The following DAB1 variants were observed in gnomAD, a reference collection of about 807,000 sequenced individuals.
The protein encoded by DAB1 is DAB adaptor protein 1.
DAB1 carries 15 observed loss-of-function variants against 64.6 expected under a neutral mutation model. That is an observed-to-expected ratio of 0.23 (90% CI 0.16 to 0.36). The LOEUF (loss-of-function observed/expected upper bound fraction) is 0.36, where lower values mean the gene tolerates loss of function less well. Among genes scored for constraint, DAB1 ranks in the 10% least tolerant of loss-of-function variants. DAB1 has a pLI of 1.00. For synonymous variants in DAB1, 235 were observed against 251.9 expected, an observed-to-expected ratio of 0.93 and a Z score of 0.64; for missense variants, 596 against 706.7, an observed-to-expected ratio of 0.84 and a Z score of 1.78.
intron 4 of DAB1, among the ~76,000 whole-genome samples, chr1:58,156,535 A>G (rs983188141): frequency 7.9e-5 from 12 of 152,190 alleles, no homozygotes; most frequent in African/African-American, 2.7e-4. Context: ...AAGACAGAAG[A>G]GTTAATGCAC....
chr1:57,762,157 AAAGT>A (rs1295665238), intron 6 of DAB1, among the ~76,000 whole-genome samples: 2 of 152,226 alleles, frequency 1.3e-5, no homozygotes, highest in Non-Finnish European at 2.9e-5. Context: ...TGAATTTTAA[AAAGT>A]AATTTTCTCA....
At chr1:57,219,084 T>C (rs1312239501) in intron 2 of DAB1, among the ~76,000 whole-genome samples, 1 of 152,228 alleles carries the variant, frequency 6.6e-6, no homozygotes, top group Admixed American at 6.5e-5. Context: ...GTTTCTAAAG[T>C]AGATTGGGAG....
intron 5 of DAB1, among the ~76,000 whole-genome samples, chr1:58,089,355 G>A (rs1389960626): frequency 1.3e-5 from 2 of 152,224 alleles, no homozygotes; most frequent in Non-Finnish European, 2.9e-5. Context: ...TCTGCTATGC[G>A]CTTACGAGTA....
chr1:58,262,005 T>C (rs1389394609), intron 4 of DAB1, among the ~76,000 whole-genome samples: 12 of 152,336 alleles, frequency 7.9e-5, no homozygotes, highest in South Asian at 2.1e-4. Context: ...TGAAAGACGA[T>C]TGAGTCTATA....
At chr1:57,528,044 A>G (rs917514583) in intron 7 of DAB1, among the ~76,000 whole-genome samples, 1 of 152,118 alleles carries the variant, frequency 6.6e-6, no homozygotes, top group Admixed American at 6.5e-5. Flanking sequence ...TGAGAATTCA[A>G]TTGACTTAGA....
At chr1:58,263,714 A>G (rs1316118071) in intron 4 of DAB1, among the ~76,000 whole-genome samples, 1 of 152,202 alleles carries the variant, frequency 6.6e-6, no homozygotes, top group Non-Finnish European at 1.5e-5. Context: ...GACCATACAA[A>G]CCAACATTTA....
At chr1:57,057,131 G>T in intron 9 of DAB1, among the ~76,000 whole-genome samples, 1 of 152,076 alleles carries the variant, frequency 6.6e-6, no homozygotes, top group Non-Finnish European at 1.5e-5. Flanking sequence ...GCGAGGCCAG[G>T]TTACTAAATG....
intron 4 of DAB1, among the ~76,000 whole-genome samples, chr1:58,262,606 CCTCAGTTTCCTCAT>C (rs1046836575): frequency 9.9e-5 from 15 of 152,052 alleles, no homozygotes; most frequent in African/African-American, 3.4e-4. Flanking sequence ...AAAACAAAAA[CCTCAGTTTCCTCAT>C]CTCAGTTTCC....
At chr1:57,013,003 G>T (rs1010677634) in intron 12 of DAB1, among the ~76,000 whole-genome samples, 1 of 152,192 alleles carries the variant, frequency 6.6e-6, no homozygotes, top group Admixed American at 6.5e-5. Context: ...CATCCCTGGG[G>T]TACATTTGGC....
At chr1:58,060,389 T>A (rs113488518) in intron 5 of DAB1, 1 of 152,204 alleles carries the variant, frequency 6.6e-6, no homozygotes, top group Non-Finnish European at 1.5e-5. Flanking sequence ...TAAAAGAGCA[T>A]AGAGATTCTT....
At chr1:57,327,012 C>T (rs1169660022) in intron 1 of DAB1, among the ~76,000 whole-genome samples, 1 of 152,158 alleles carries the variant, frequency 6.6e-6, no homozygotes, top group Non-Finnish European at 1.5e-5. Flanking sequence ...AATCTTGGTT[C>T]ATCGCAGCCT....
chr1:58,318,109 C>T (rs1662599781), intron 4 of DAB1, among the ~76,000 whole-genome samples: 1 of 152,172 alleles, frequency 6.6e-6, no homozygotes, highest in South Asian at 2.1e-4. Flanking sequence ...TGGCCTAATG[C>T]TAGATTGTGT....
At chr1:58,251,218 A>G (rs1437386893) in intron 4 of DAB1, among the ~76,000 whole-genome samples, 2 of 152,192 alleles carry the variant, frequency 1.3e-5, no homozygotes, top group African/African-American at 4.8e-5. Flanking sequence ...AGGTAATTAT[A>G]TATCAGTAAC....
chr1:57,014,044 A>C (rs1646346587), intron 12 of DAB1, among the ~76,000 whole-genome samples: 1 of 152,360 alleles, frequency 6.6e-6, no homozygotes, highest in African/African-American at 2.4e-5. Flanking sequence ...ACTGCAAAAA[A>C]ACACTTAACA....
At chr1:57,800,734 C>G (rs886280227) in intron 6 of DAB1, among the ~76,000 whole-genome samples, 2 of 152,140 alleles carry the variant, frequency 1.3e-5, no homozygotes, top group African/African-American at 4.8e-5. Context: ...ACCCCAAATC[C>G]CTTTCATCAG....
In DAB1 at chr1:57,740,046, C is replaced by CAAAAA. The variant is rs34382329; in HGVS notation, n.552-90386_552-90382dup. Among the ~76,000 whole-genome samples the CAAAAA allele has an allele frequency of 9.7e-4, 100 of 103,096 alleles. 1 individual carries two copies. Among genetic ancestry groups the CAAAAA allele is most frequent in the African/African-American group, 3.4e-3 (92 of 26,676 alleles). The allele number at this position is 103,096 out of a possible 152,430, so 67.6% of individuals were successfully genotyped here. The stretch of plus-strand genomic sequence containing the variant: ...CCCATCTCTACTACTACTACTACTA[C>CAAAAA]AAAAAAAAAAAAAAAAAATTCGCCA... On this transcript the variant is annotated intron_variant and non_coding_transcript_variant, in intron 6 of 20. Transcript: ENST00000485760.
At chr1:57,077,849 G>T (rs181016618) in intron 4 of DAB1, among the ~76,000 whole-genome samples, 45 of 152,204 alleles carry the variant, frequency 3.0e-4, no homozygotes, top group African/African-American at 9.6e-4. Flanking sequence ...GTATGTGTGT[G>T]TGTGAGAGTG....
chr1:57,698,149 C>T (rs1407725165), intron 6 of DAB1, among the ~76,000 whole-genome samples: 1 of 151,640 alleles, frequency 6.6e-6, no homozygotes, highest in Non-Finnish European at 1.5e-5. Flanking sequence ...GACAGTGGCA[C>T]AATCATGGCT....
intron 5 of DAB1, among the ~76,000 whole-genome samples, chr1:57,963,104 C>T (rs1645566530): frequency 2.0e-5 from 3 of 152,032 alleles, no homozygotes. Flanking sequence ...ATTCATTCAA[C>T]CACAAATTAA....
Sources: gnomAD v4.1 joint callset for allele counts (sites outside exome capture counted in the v4.1 genomes callset) on GRCh38, gnomAD v4.1.1 for gene constraint, MANE v1.5 for transcripts, NCBI Gene and HGNC (gene_info 2026-07-23, HGNC 2026-07-21) for gene names.